Variants in FZR1 observed in about 807,000 individuals in gnomAD.
FZR1 encodes fizzy-related protein homolog.
FZR1 carries 11 observed loss-of-function variants against 63.6 expected under a neutral mutation model. The ratio of observed to expected loss-of-function variants is 0.17; its 90% CI spans 0.11 to 0.29. FZR1 has a LOEUF of 0.29. FZR1 is among the 10% of genes least tolerant of loss of function. The probability of loss-of-function intolerance (pLI) is 1.00; values close to 1 mark genes in which losing one functional copy is unlikely to be tolerated. For missense variants in FZR1, 440 were observed against 687.5 expected (o/e 0.64, Z 4.03); for synonymous variants, 328 against 297.9 (o/e 1.10, Z -1.04).
At chr19:3,532,243 C>T (rs756104661) in intron 10 of FZR1, 148 bp downstream of exon 10, 16 of 927,250 alleles carry the variant, frequency 1.7e-5, no homozygotes, top group Non-Finnish European at 2.4e-5. Flanking sequence ...CCTTCCTGCT[C>T]AGCCAGTCCT....
At chr19:3,523,433 G>A (rs1020802065) in intron 2 of FZR1, among the ~76,000 whole-genome samples, 18 of 152,238 alleles carry the variant, frequency 1.2e-4, no homozygotes, top group African/African-American at 3.4e-4. Flanking sequence ...CCTTCCTTGC[G>A]CTCCACCCTG....
chr19:3,527,874 A>G (rs916185596), intron 7 of FZR1, 60 bp downstream of exon 7: 24 of 1,354,084 alleles, frequency 1.8e-5, no homozygotes, highest in Non-Finnish European at 2.1e-5. Flanking sequence ...AGCAGACCTC[A>G]ATGTACCCAC....
chr19:3,525,897 T>C lies in FZR1; in HGVS notation c.99T>C (p.Pro33=), dbSNP rs138345484. 1,027 of 1,612,222 alleles carry C rather than the reference T, an allele frequency of 6.4e-4. 8 individuals are homozygous for C. In the African/African-American group the frequency reaches 0.011, roughly 18 times the overall value. ...CAGAGATGCGGCGGACCCTGACGCC[T>C]GCCAGCTCCCCAGTGTCCTCGCCCA... ...RVTEMRRTLT[P]ASSPVSSPSK... The change falls in exon 3 of 14, where the codon CCT becomes CCC. Residue 33 remains proline (P), a synonymous_variant. Transcript: ENST00000441788. The surrounding 1 kb of genome is among the most constrained non-coding windows in gnomAD (Gnocchi z 4.2).
At chr19:3,532,781 C>A in intron 11 of FZR1, 131 bp downstream of exon 11, 1 of 696,826 alleles carries the variant, frequency 1.4e-6, no homozygotes, top group Non-Finnish European at 2.5e-6. Context: ...GCGAGGGAGG[C>A]CGAGCGGGGA....
In FZR1 at chr19:3,537,235, G is replaced by A. The variant is rs1226980956; in HGVS notation, c.*2399G>A. 6.6e-6 allele frequency: 1 copy of A among 152,430 alleles called. No individual in the cohort carries two copies. The highest frequency in any genetic ancestry group is 6.5e-5 in the Admixed American group (1 of 15,290). 9.4% of individuals were successfully genotyped at this position (152,430 alleles called of 1,614,324 possible). ...GCTGAGAGGAGGTGGAGGGGCCCCA[G>A]GGGAGTGTACGTCAGGCTTTGCGGG... On this transcript the variant is annotated 3_prime_UTR_variant, in exon 14 of 14. Coordinates refer to ENST00000441788, the MANE Select transcript of FZR1 (RefSeq NM_016263.4).
Position 3,535,186 on chromosome 19 carries a change from C to T in FZR1, c.*350C>T, listed in dbSNP as rs575844624. 11 of 356,728 alleles carry T rather than the reference C, an allele frequency of 3.1e-5. No homozygotes were observed. Among genetic ancestry groups the T allele is most frequent in the Admixed American group, 8.0e-5 (2 of 24,910 alleles). 22.1% of individuals were successfully genotyped at this position (356,728 alleles called of 1,614,324 possible). On this transcript the variant is annotated 3_prime_UTR_variant, in exon 14 of 14. Coordinates refer to ENST00000441788, the MANE Select transcript of FZR1 (RefSeq NM_016263.4). ...CTCCGTCTGTTCATCACCTGCCCACCGGAGCCGCATGCTCTTCCTGGAACT... is the reference window on the plus strand; with the variant it reads ...CTCCGTCTGTTCATCACCTGCCCACTGGAGCCGCATGCTCTTCCTGGAACT...
At chr19:3,523,653 G>A (rs2083124206) in intron 2 of FZR1, among the ~76,000 whole-genome samples, 1 of 152,206 alleles carries the variant, frequency 6.6e-6, no homozygotes, top group Non-Finnish European at 1.5e-5. Context: ...TAGCCTGGAC[G>A]GCCACCAGTC....
In FZR1 at chr19:3,531,957, C is replaced by T; in HGVS notation, c.870C>T (p.Asp290=). ...NAEQLSSGSR[D]RMILQRDIRT... is the part of the protein sequence containing the mutation. The stretch of plus-strand genomic sequence containing the variant: ...AGCAGCTGTCGTCCGGGAGCCGCGA[C>T]CGCATGATCCTGCAGAGGGACATCC... Residue 290 remains aspartate (D), a synonymous_variant, in exon 10 of 14, where the codon GAC becomes GAT. Transcript: ENST00000441788. 1.9e-6 allele frequency: 3 copies of T among 1,586,594 alleles called. No homozygotes were observed. The highest frequency in any genetic ancestry group is 2.6e-6 in the Non-Finnish European group (3 of 1,170,566).
In FZR1 at chr19:3,519,902, G is replaced by T. The variant is rs571768126; in HGVS notation, c.-34-3054G>T. Among the ~76,000 whole-genome samples, 14 of 152,082 alleles carry T rather than the reference G, an allele frequency of 9.2e-5. No homozygotes were observed. In the East Asian group the frequency reaches 1.9e-3, roughly 21 times the overall value. On this transcript the variant is annotated intron_variant, in intron 1 of 13. Transcript: ENST00000441788. ...GGCCCCACACCCACAGCTCTCCTGGGGCTCAGGATCTGCATAGATTCCCTG... is the reference window on the plus strand; with the variant it reads ...GGCCCCACACCCACAGCTCTCCTGGTGCTCAGGATCTGCATAGATTCCCTG...
chr19:3,534,526 G>A lies in FZR1; in HGVS notation c.1440+13G>A. 2.6e-6 allele frequency: 4 copies of A among 1,559,388 alleles called. No homozygotes were observed. Among genetic ancestry groups the A allele is most frequent in the Non-Finnish European group, 3.5e-6 (4 of 1,138,008 alleles). ...CCGTTCGACAAAGGTAAAGTGGGTC[G>A]GTATCAGCGCCACTCGCCCCCGCCC... On this transcript the variant is annotated intron_variant, in intron 13 of 13. Transcript: ENST00000441788.
chr19:3,530,019 T>C (rs1447350856), intron 7 of FZR1, among the ~76,000 whole-genome samples: 14 of 96,576 alleles, frequency 1.4e-4, no homozygotes, highest in South Asian at 3.7e-4. Context: ...GATGGGTGAG[T>C]GGATGGGAGA....
intron 7 of FZR1, among the ~76,000 whole-genome samples, chr19:3,528,117 T>C (rs1461431066): frequency 6.6e-6 from 1 of 150,736 alleles, no homozygotes; most frequent in Non-Finnish European, 1.5e-5. Context: ...GGGTCCCCAC[T>C]GGAGCCACAA....
At chr19:3,528,423 C>T (rs768695830) in intron 7 of FZR1, among the ~76,000 whole-genome samples, 1 of 152,254 alleles carries the variant, frequency 6.6e-6, no homozygotes, top group Non-Finnish European at 1.5e-5. Flanking sequence ...CTAGGCCCTG[C>T]CCTCACCATT....
In FZR1 at chr19:3,526,114, C is replaced by T. The variant is rs773353105; in HGVS notation, c.196-6C>T. ...GACCCCTCCCTCTCTGCTCTCCTGCCTGCAGGAGAATGAGAAGTCTCCCAG... is the reference window on the plus strand; with the variant it reads ...GACCCCTCCCTCTCTGCTCTCCTGCTTGCAGGAGAATGAGAAGTCTCCCAG... On this transcript the variant is annotated splice_polypyrimidine_tract_variant and splice_region_variant and intron_variant, in intron 3 of 13. Transcript: ENST00000441788. This position sits in a 1 kb window ranked among gnomAD's most constrained non-coding sequence, Gnocchi z 5.4. 16 of 1,611,898 alleles carry T rather than the reference C, an allele frequency of 9.9e-6. No individual in the cohort carries two copies. In the South Asian group the frequency reaches 1.4e-4, roughly 14 times the overall value.
Position 3,515,238 on chromosome 19 carries a change from C to G in FZR1, c.-34-7718C>G, listed in dbSNP as rs1040128914. Among the ~76,000 whole-genome samples the G allele has an allele frequency of 6.6e-6, 1 of 152,232 alleles. No individual in the cohort carries two copies. The highest frequency in any genetic ancestry group is 6.5e-5 in the Admixed American group (1 of 15,288). On this transcript the variant is annotated intron_variant, in intron 1 of 13. Coordinates refer to ENST00000441788, the MANE Select transcript of FZR1 (RefSeq NM_016263.4). This position sits in a 1 kb window ranked among gnomAD's most constrained non-coding sequence, Gnocchi z 4.6. ...AGGGTCCGGGTTGCTGCTAAACTCC[C>G]TCGACCCGGTCTGAGCCTTTCCACA...
intron 1 of FZR1, among the ~76,000 whole-genome samples, chr19:3,510,674 A>G (rs2083017925): frequency 6.6e-6 from 1 of 152,236 alleles, no homozygotes; most frequent in Non-Finnish European, 1.5e-5. Flanking sequence ...GTGGGAGGCC[A>G]GTGCTGGTCT....
chr19:3,519,740 C>A lies in FZR1; in HGVS notation c.-34-3216C>A, dbSNP rs550898424. 5.9e-5 allele frequency among the ~76,000 whole-genome samples: 9 copies of A among 152,338 alleles called. No homozygotes were observed. In the South Asian group the frequency reaches 1.7e-3, roughly 28 times the overall value. On this transcript the variant is annotated intron_variant, in intron 1 of 13. Coordinates refer to ENST00000441788, the MANE Select transcript of FZR1 (RefSeq NM_016263.4). ...ACTGCACTTCCGACGGAGACTCCCC[C>A]AGGAGCCCCTGCCCCCAGGGTGGGG...
intron 8 of FZR1, among the ~76,000 whole-genome samples, chr19:3,531,376 C>T (rs984228742): frequency 6.6e-6 from 1 of 152,192 alleles, no homozygotes; most frequent in Non-Finnish European, 1.5e-5. Flanking sequence ...CAGACAGCAA[C>T]GCATGTTGCC....
In FZR1 at chr19:3,531,825, C is replaced by A. The variant is rs777638478; in HGVS notation, c.823+9C>A. 11 of 1,549,786 alleles carry A rather than the reference C, an allele frequency of 7.1e-6. No individual in the cohort carries two copies. The highest frequency in any genetic ancestry group is 9.6e-6 in the Non-Finnish European group (11 of 1,146,518). Reference sequence around the variant, plus strand: ...CCACACGGCACGCGTCGGTGAGGAGCCCGGGTCCCATGGCTGGTGAGCTCC... The same window carrying A: ...CCACACGGCACGCGTCGGTGAGGAGACCGGGTCCCATGGCTGGTGAGCTCC... On this transcript the variant is annotated intron_variant, in intron 9 of 13. Transcript: ENST00000441788.
Sources: allele counts gnomAD v4.1 joint callset (sites outside exome capture counted in the v4.1 genomes callset), GRCh38; gene constraint gnomAD v4.1.1; non-coding constraint Gnocchi (gnomAD v3.1); transcripts MANE v1.5; gene names NCBI Gene and HGNC (gene_info 2026-07-23, HGNC 2026-07-21).